MOCOS: variants seen among roughly 807,000 people sequenced by gnomAD.
MOCOS encodes molybdenum cofactor sulfurase.
In MOCOS, 86 loss-of-function variants were observed where a neutral mutation model predicts 83.6. That is an observed-to-expected ratio of 1.03 (90% CI 0.86 to 1.23). MOCOS has a LOEUF of 1.23. MOCOS is among the 50% of genes most tolerant of loss of function. The pLI, the probability that MOCOS is intolerant of heterozygous loss-of-function variation, is 0.00. For synonymous variants in MOCOS, 445 were observed against 434.7 expected (o/e 1.02, Z -0.29); for missense variants, 1,120 against 1,126.9 (o/e 0.99, Z 0.09).
chr18:36,219,529 C>T (rs1043418787), intron 8 of MOCOS, among the ~76,000 whole-genome samples: 2 of 151,808 alleles, frequency 1.3e-5, no homozygotes, highest in Admixed American at 6.6e-5. Flanking sequence ...AAATACAAAA[C>T]TTAGCCGGGC....
At chr18:36,199,555 C>T (rs545608484) in intron 3 of MOCOS, 128 bp from the exon 4 acceptor site, 11 of 1,458,762 alleles carry the variant, frequency 7.5e-6, no homozygotes, top group South Asian at 1.2e-5. Context: ...GCCCTAATTT[C>T]GCAGCTGTGG....
chr18:36,241,106 G>C (rs567190364), intron 9 of MOCOS, among the ~76,000 whole-genome samples: 4 of 152,180 alleles, frequency 2.6e-5, no homozygotes, highest in Admixed American at 6.5e-5. Context: ...GCGTCGCTCA[G>C]GCTGGGAGCT....
At chr18:36,229,280 A>G (rs1454543986) in intron 9 of MOCOS, among the ~76,000 whole-genome samples, 1 of 151,972 alleles carries the variant, frequency 6.6e-6, no homozygotes, top group Non-Finnish European at 1.5e-5. Context: ...TTTTCTTGGT[A>G]TGGTATTCTT....
chr18:36,203,321 T>A (rs2091421777), intron 5 of MOCOS, 132 bp downstream of exon 5: 1 of 867,548 alleles, frequency 1.2e-6, no homozygotes, highest in Non-Finnish European at 1.9e-6. Context: ...TTAAATTTGA[T>A]TCCTAGTAAC....
chr18:36,255,514 G>A (rs146314664), intron 11 of MOCOS, among the ~76,000 whole-genome samples: 1 of 152,236 alleles, frequency 6.6e-6, no homozygotes, highest in Non-Finnish European at 1.5e-5. Flanking sequence ...GGAGATTGTT[G>A]GTCCCTGAGG....
intron 9 of MOCOS, among the ~76,000 whole-genome samples, chr18:36,244,668 A>T (rs591023): frequency 0.58 from 87,508 of 151,904 alleles, 26,024 homozygotes; most frequent in African/African-American, 0.7. Flanking sequence ...AAGTCCATTG[A>T]TTCTTTGTTG....
intron 4 of MOCOS, among the ~76,000 whole-genome samples, chr18:36,201,231 T>C (rs1347762364): frequency 1.3e-5 from 2 of 152,214 alleles, no homozygotes; most frequent in African/African-American, 4.8e-5. Flanking sequence ...CGTAGGGCCA[T>C]GGCCTTGACG....
chr18:36,232,884 A>ACACACACACACACACC (rs1434576975), intron 9 of MOCOS, among the ~76,000 whole-genome samples: 5 of 138,762 alleles, frequency 3.6e-5, no homozygotes, highest in African/African-American at 1.3e-4. Flanking sequence ...ACACACACAC[A>ACACACACACACACACC]CACACCATTT....
chr18:36,214,268 G>A lies in MOCOS; in HGVS notation c.1335+786G>A, dbSNP rs28695833. On this transcript the variant is annotated intron_variant, in intron 7 of 14. Coordinates refer to ENST00000261326, the MANE Select transcript of MOCOS (RefSeq NM_017947.4). ...TCAAAAAAAAAAAAAAAAAAGAAAA[G>A]AAAAAAAAGAAAATGCTTCAAGATA... 4.1e-3 allele frequency among the ~76,000 whole-genome samples: 555 copies of A among 134,202 alleles called. 13 individuals are homozygous for A. Among genetic ancestry groups the A allele is most frequent in the Middle Eastern group, 0.02 (5 of 252 alleles). 88.0% of individuals were successfully genotyped at this position (134,202 alleles called of 152,430 possible). A position where few individuals can be genotyped will look rare whatever the true frequency, so the allele number is the denominator to read the frequency against.
intron 11 of MOCOS, among the ~76,000 whole-genome samples, chr18:36,252,810 C>T (rs1301180740): frequency 1.3e-5 from 2 of 152,198 alleles, no homozygotes; most frequent in Admixed American, 6.5e-5. Flanking sequence ...GTTTAACCTA[C>T]AAATCCCTGA....
intron 1 of MOCOS, among the ~76,000 whole-genome samples, chr18:36,193,055 T>C (rs1395037436): frequency 6.6e-6 from 1 of 151,768 alleles, no homozygotes; most frequent in Non-Finnish European, 1.5e-5. Flanking sequence ...CTCACGCCTG[T>C]AATCCCAGCA....
chr18:36,199,783 G>A lies in MOCOS; in HGVS notation c.400G>A (p.Val134Met). The A allele has an allele frequency of 1.2e-6, 2 of 1,614,138 alleles. No individual in the cohort carries two copies. The highest frequency in any genetic ancestry group is 1.1e-5 in the South Asian group (1 of 91,078). The change falls in exon 4 of 15, where the codon GTG becomes ATG. Residue 134 changes from valine to methionine, a missense_variant. Coordinates refer to ENST00000261326, the MANE Select transcript of MOCOS (RefSeq NM_017947.4). ...ACTGGTGGCAGAGGCCTTTCCATGGGTGTCCCAGGGCCCAGAGAGCAGTGG... is the reference window on the plus strand; with the variant it reads ...ACTGGTGGCAGAGGCCTTTCCATGGATGTCCCAGGGCCCAGAGAGCAGTGG... ...LKLVAEAFPW[V>M]SQGPESSGSR...
At chr18:36,252,171 T>G (rs759092144) in intron 11 of MOCOS, among the ~76,000 whole-genome samples, 25 of 152,170 alleles carry the variant, frequency 1.6e-4, no homozygotes, top group Non-Finnish European at 3.2e-4. Flanking sequence ...TACCAGTTTG[T>G]TCAGATATTA....
At chr18:36,207,641 GTTCT>G (rs1452818374) in intron 6 of MOCOS, among the ~76,000 whole-genome samples, 1 of 152,006 alleles carries the variant, frequency 6.6e-6, no homozygotes, top group African/African-American at 2.4e-5. Flanking sequence ...TTTTAATGGG[GTTCT>G]TTGTTTTTTG....
At chr18:36,248,882 T>C (rs750142927) in intron 9 of MOCOS, 40 bp from the exon 10 acceptor site, 2 of 1,546,216 alleles carry the variant, frequency 1.3e-6, no homozygotes, top group South Asian at 1.1e-5. Context: ...GCTGTTGTTT[T>C]TACATAATGA....
In MOCOS at chr18:36,215,560, G is replaced by A; in HGVS notation, c.1380G>A (p.Gln460=). Residue 460 remains glutamine (Q), a synonymous_variant, in exon 8 of 15, where the codon CAG becomes CAA. Transcript: ENST00000261326. ...CGDNMDLIDG[Q]PTGSVRISFG... is the part of the protein sequence containing the mutation. The stretch of plus-strand genomic sequence containing the variant: ...ACAATATGGACCTCATAGATGGGCA[G>A]CCCACAGGATCTGTGAGGATTTCAT... The A allele has an allele frequency of 6.2e-7, 1 of 1,614,184 alleles. No homozygotes were observed.
Position 36,270,999 on chromosome 18 carries a change from T to C in MOCOS, c.*2314T>C, listed in dbSNP as rs1355683021. 1.3e-5 allele frequency: 2 copies of C among 151,892 alleles called. No individual in the cohort carries two copies. Among genetic ancestry groups the C allele is most frequent in the Non-Finnish European group, 2.9e-5 (2 of 68,012 alleles). 9.4% of individuals were successfully genotyped at this position (151,892 alleles called of 1,614,324 possible). A position where few individuals can be genotyped will look rare whatever the true frequency, so the allele number is the denominator to read the frequency against. On this transcript the variant is annotated 3_prime_UTR_variant, in exon 15 of 15. Transcript: ENST00000261326. ...CCAGCTAATTTTTTTTTTCTTTTTT[T>C]TCTTTTTGGTAGAGATGGCATCTCA... is the stretch of plus-strand genomic sequence containing the variant.
At chr18:36,203,692 T>C (rs1191775226) in intron 5 of MOCOS, among the ~76,000 whole-genome samples, 1 of 152,262 alleles carries the variant, frequency 6.6e-6, no homozygotes, top group Non-Finnish European at 1.5e-5. Flanking sequence ...TGTCTGCCGA[T>C]GGTCTTCGCA....
chr18:36,248,645 C>T (rs1750993255), intron 9 of MOCOS, among the ~76,000 whole-genome samples: 1 of 152,118 alleles, frequency 6.6e-6, no homozygotes. Flanking sequence ...GTCTAGTTTT[C>T]TTCTTCTGCA....
Sources: gnomAD v4.1 joint callset for allele counts (sites outside exome capture counted in the v4.1 genomes callset) on GRCh38, gnomAD v4.1.1 for gene constraint, MANE v1.5 for transcripts, NCBI Gene and HGNC (gene_info 2026-07-23, HGNC 2026-07-21) for gene names.